LSM3: variants seen among roughly 807,000 people sequenced by gnomAD.
The protein encoded by LSM3 is U6 snRNA-associated Sm-like protein LSm3.
In LSM3, 14 loss-of-function variants were observed where a neutral mutation model predicts 15.4. The observed-to-expected ratio is 0.91, with a 90% CI of 0.60 to 1.42. The LOEUF (loss-of-function observed/expected upper bound fraction) is 1.42. Among genes scored for constraint, LSM3 ranks in the 40% most tolerant of loss-of-function variants. The probability of loss-of-function intolerance (pLI) is 0.00; values close to 1 mark genes in which losing one functional copy is unlikely to be tolerated. For missense variants in LSM3, 88 were observed against 127.9 expected, an observed-to-expected ratio of 0.69 and a Z score of 1.50; for synonymous variants, 46 against 45.1, an observed-to-expected ratio of 1.02 and a Z score of -0.08.
At chr3:14,181,053 C>G (rs1458287780) in intron 1 of LSM3, among the ~76,000 whole-genome samples, 1 of 151,922 alleles carries the variant, frequency 6.6e-6, no homozygotes, top group African/African-American at 2.4e-5. Context: ...ATACTGGCTA[C>G]TAAATATATT....
chr3:14,188,702 C>T (rs1697112985), intron 3 of LSM3, among the ~76,000 whole-genome samples: 1 of 151,920 alleles, frequency 6.6e-6, no homozygotes, highest in South Asian at 2.1e-4. Flanking sequence ...TGGTACTTCA[C>T]TGTGTAGATG....
In LSM3 at chr3:14,200,191, C is replaced by T. The variant is rs1221803507; in HGVS notation, c.*2075C>T. The T allele has an allele frequency of 1.3e-5, 2 of 152,022 alleles. No individual in the cohort carries two copies. The highest frequency in any genetic ancestry group is 2.9e-5 in the Non-Finnish European group (2 of 68,044). The allele number at this position is 152,022 out of a possible 1,614,324, so 9.4% of individuals were successfully genotyped here. ...GCACACACAACTAAAACATACCAAC[C>T]TACTTCATTTCCTAGCTGCTAAGAT... On this transcript the variant is annotated 3_prime_UTR_variant, in exon 4 of 4. Coordinates refer to ENST00000306024, the MANE Select transcript of LSM3 (RefSeq NM_014463.3).
chr3:14,189,545 A>G (rs370715744), intron 3 of LSM3, among the ~76,000 whole-genome samples: 17 of 152,144 alleles, frequency 1.1e-4, no homozygotes, highest in African/African-American at 3.6e-4. Context: ...GCATTTCTCT[A>G]ATGACAGTGA....
At chr3:14,189,444 C>T (rs1697119173) in intron 3 of LSM3, among the ~76,000 whole-genome samples, 1 of 152,194 alleles carries the variant, frequency 6.6e-6, no homozygotes, top group Admixed American at 6.5e-5. Flanking sequence ...TTCAGTTTTT[C>T]CACAACCTCT....
intron 3 of LSM3, among the ~76,000 whole-genome samples, chr3:14,195,086 A>G (rs1193417312): frequency 6.6e-6 from 1 of 152,150 alleles, no homozygotes; most frequent in African/African-American, 2.4e-5. Context: ...TGACGTAATT[A>G]TTCTACGTAG....
In LSM3 at chr3:14,183,960, G is replaced by A. The variant is rs777528116; in HGVS notation, c.156G>A (p.Met52Ile). 8.7e-6 allele frequency: 14 copies of A among 1,608,456 alleles called. No individual in the cohort carries two copies. The highest frequency in any genetic ancestry group is 2.3e-4 in the Middle Eastern group (1 of 4,436). ...AGGCTTATGATCAACATTTAAATAT[G>A]ATCTTGGGAGATGTGGAAGAAACTG... ...RLHAYDQHLNMILGDVEETVT... is the reference protein window; with the variant it reads ...RLHAYDQHLNIILGDVEETVT... Residue 52 changes from methionine (M) to isoleucine (I), a missense_variant, in exon 3 of 4, where the codon ATG becomes ATA. By Grantham distance (10) the Met-to-Ile change is conservative. Coordinates refer to ENST00000306024, the MANE Select transcript of LSM3 (RefSeq NM_014463.3).
chr3:14,179,095 G>C (rs1696978446), intron 1 of LSM3, among the ~76,000 whole-genome samples: 1 of 152,038 alleles, frequency 6.6e-6, no homozygotes, highest in South Asian at 2.1e-4. Flanking sequence ...CACACTCTTC[G>C]CTTCATTTTT....
At chr3:14,189,143 T>C (rs1697116693) in intron 3 of LSM3, among the ~76,000 whole-genome samples, 1 of 152,252 alleles carries the variant, frequency 6.6e-6, no homozygotes, top group Non-Finnish European at 1.5e-5. Flanking sequence ...CCTCCTTTTT[T>C]ATAGCTGCAC....
rs1346405326 is a variant in LSM3 at position 14,199,329 on chromosome 3, T to G, written c.*1213T>G. ...AAAGCGTGTTACAATCTCTCAAACT[T>G]TATCAAGACAGGGCTTAGAACCTGA... is the stretch of plus-strand genomic sequence containing the variant. On this transcript the variant is annotated 3_prime_UTR_variant, in exon 4 of 4. Transcript: ENST00000306024. 6.6e-6 allele frequency: 1 copy of G among 152,168 alleles called. No homozygotes were observed. The highest frequency in any genetic ancestry group is 1.5e-5 in the Non-Finnish European group (1 of 68,032). The allele number at this position is 152,168 out of a possible 1,614,324, so 9.4% of individuals were successfully genotyped here.
chr3:14,184,884 T>C (rs1697073522), intron 3 of LSM3, among the ~76,000 whole-genome samples: 1 of 151,572 alleles, frequency 6.6e-6, no homozygotes, highest in Non-Finnish European at 1.5e-5. Flanking sequence ...GGTGAAGCCC[T>C]GTCTCTGCTA....
intron 1 of LSM3, 113 bp downstream of exon 1, chr3:14,178,994 A>C: frequency 8.4e-7 from 1 of 1,186,834 alleles, no homozygotes; most frequent in Non-Finnish European, 1.2e-6. Flanking sequence ...CCATGGCCTA[A>C]TCCACCCTGT....
chr3:14,189,091 T>C (rs1220669164), intron 3 of LSM3, among the ~76,000 whole-genome samples: 3 of 152,162 alleles, frequency 2.0e-5, no homozygotes, highest in Non-Finnish European at 4.4e-5. Flanking sequence ...CTGAGAATGA[T>C]GGTTTCCAGC....
rs373276433 is a variant in LSM3, at chr3:14,200,885, C to T, written c.*2769C>T. Reference sequence around the variant, plus strand: ...GGTGACACACACCTGTAAACTCAACCACTAAGGAGACTGAGGCGGGAGGAT... The same window carrying T: ...GGTGACACACACCTGTAAACTCAACTACTAAGGAGACTGAGGCGGGAGGAT... On this transcript the variant is annotated 3_prime_UTR_variant, in exon 4 of 4. Coordinates refer to ENST00000306024, the MANE Select transcript of LSM3 (RefSeq NM_014463.3). 9.9e-5 allele frequency: 15 copies of T among 152,162 alleles called. No homozygotes were observed. Among genetic ancestry groups the T allele is most frequent in the African/African-American group, 3.6e-4 (15 of 41,422 alleles). 9.4% of individuals were successfully genotyped at this position (152,162 alleles called of 1,614,324 possible).
At chr3:14,191,812 GTCT>G (rs1172486891) in intron 3 of LSM3, among the ~76,000 whole-genome samples, 1 of 151,816 alleles carries the variant, frequency 6.6e-6, no homozygotes, top group African/African-American at 2.4e-5. Context: ...GTTATTTCAT[GTCT>G]TCTTCTAGCT....
intron 1 of LSM3, 95 bp downstream of exon 1, chr3:14,178,976 C>T (rs1559389062): frequency 1.5e-6 from 2 of 1,356,512 alleles, no homozygotes. Flanking sequence ...CCTCCTCTCT[C>T]CAAGTCACCA....
chr3:14,189,126 A>G (rs1697116435), intron 3 of LSM3, among the ~76,000 whole-genome samples: 2 of 152,230 alleles, frequency 1.3e-5, no homozygotes, highest in African/African-American at 4.8e-5. Context: ...TGCAAAGGAC[A>G]TGAACTCCTC....
At chr3:14,196,448 AT>A (rs1434186391) in intron 3 of LSM3, among the ~76,000 whole-genome samples, 6 of 152,220 alleles carry the variant, frequency 3.9e-5, no homozygotes, top group Non-Finnish European at 5.9e-5. Flanking sequence ...ACAGAAACCT[AT>A]CCCCAAAGAA....
chr3:14,194,603 G>A (rs1197958417), intron 3 of LSM3, among the ~76,000 whole-genome samples: 1 of 151,790 alleles, frequency 6.6e-6, no homozygotes, highest in Non-Finnish European at 1.5e-5. Context: ...TTCATTGCAG[G>A]TTGACTCAAT....
At chr3:14,193,266 C>G (rs1226816289) in intron 3 of LSM3, among the ~76,000 whole-genome samples, 1 of 152,076 alleles carries the variant, frequency 6.6e-6, no homozygotes, top group East Asian at 1.9e-4. Flanking sequence ...TGGGGTTGTT[C>G]TTCTTGAGGA....
Sources: gnomAD v4.1 joint callset for allele counts (sites outside exome capture counted in the v4.1 genomes callset) on GRCh38, gnomAD v4.1.1 for gene constraint, MANE v1.5 for transcripts, NCBI Gene and HGNC (gene_info 2026-07-23, HGNC 2026-07-21) for gene names.